Variants in CDH13 observed in about 807,000 individuals in gnomAD.
CDH13 encodes cadherin-13.
A neutral mutation model predicts 63.8 loss-of-function variants in CDH13; 24 were observed. The observed-to-expected ratio is 0.38, with a 90% CI of 0.27 to 0.53. CDH13 has a LOEUF of 0.53. Ranked by LOEUF, CDH13 falls within the 20% of genes least tolerant of loss-of-function variation. CDH13 has a pLI of 0.85. For missense variants in CDH13, 1,049 were observed against 903.1 expected, an observed-to-expected ratio of 1.16 and a Z score of -2.07; for synonymous variants, 503 against 355.3, an observed-to-expected ratio of 1.42 and a Z score of -4.67.
chr16:83,592,973 C>T (rs746517223), intron 7 of CDH13, among the ~76,000 whole-genome samples: 9 of 152,122 alleles, frequency 5.9e-5, no homozygotes, highest in East Asian at 5.8e-4. Flanking sequence ...GATGTGTAAG[C>T]GGTTCCTGCT....
chr16:82,965,499 T>C (rs1907671231), intron 2 of CDH13, among the ~76,000 whole-genome samples: 1 of 152,260 alleles, frequency 6.6e-6, no homozygotes, highest in African/African-American at 2.4e-5. Context: ...GCATTTATAA[T>C]TGAATACTGA....
intron 8 of CDH13, among the ~76,000 whole-genome samples, chr16:83,633,068 T>C (rs1171278346): frequency 6.6e-6 from 1 of 152,200 alleles, no homozygotes; most frequent in Non-Finnish European, 1.5e-5. Context: ...GTCACTCTTG[T>C]TGCCGTCTTG....
At chr16:83,739,941 G>C (rs1307166790) in intron 10 of CDH13, 1 of 152,246 alleles carries the variant, frequency 6.6e-6, no homozygotes, top group Non-Finnish European at 1.5e-5. Context: ...GAGCTGGCCA[G>C]GGAAGGAGGC....
At chr16:83,215,825 ATT>A (rs1258011041) in intron 4 of CDH13, among the ~76,000 whole-genome samples, 1 of 150,678 alleles carries the variant, frequency 6.6e-6, no homozygotes, top group African/African-American at 2.5e-5. Context: ...CTGAATGATT[ATT>A]GTGTTCATGA....
intron 2 of CDH13, among the ~76,000 whole-genome samples, chr16:82,988,752 A>T (rs1342691822): frequency 7.0e-6 from 1 of 143,670 alleles, no homozygotes; most frequent in East Asian, 2.1e-4. Context: ...ACAGAGTGAA[A>T]CTCCAACTCA....
chr16:83,407,919 T>G (rs1055844952), intron 6 of CDH13, among the ~76,000 whole-genome samples: 2 of 152,162 alleles, frequency 1.3e-5, no homozygotes, highest in Non-Finnish European at 2.9e-5. Context: ...TCCATTTGCT[T>G]CTTGATTTCT....
At chr16:83,788,655 G>A (rs193282569) in intron 13 of CDH13, among the ~76,000 whole-genome samples, 1 of 152,238 alleles carries the variant, frequency 6.6e-6, no homozygotes, top group Admixed American at 6.5e-5. Context: ...AGAATTGCCT[G>A]ATAATCCCTA....
intron 11 of CDH13, among the ~76,000 whole-genome samples, chr16:83,754,275 G>A (rs28434127): frequency 0.11 from 17,018 of 152,142 alleles, 1,824 homozygotes; most frequent in African/African-American, 0.29. Context: ...TGGGATGGCT[G>A]GAGAGTTAAG....
intron 7 of CDH13, among the ~76,000 whole-genome samples, chr16:83,553,107 A>T (rs2150673986): frequency 6.6e-6 from 1 of 150,960 alleles, no homozygotes; most frequent in South Asian, 2.1e-4. Context: ...GACTGTGGTT[A>T]TTGTAAACAT....
At chr16:82,847,874 T>G (rs2039328610) in intron 1 of CDH13, among the ~76,000 whole-genome samples, 1 of 148,194 alleles carries the variant, frequency 6.7e-6, no homozygotes, top group Admixed American at 7.0e-5. Flanking sequence ...TTTCCTTGTT[T>G]TATTGTTTTC....
chr16:82,721,834 G>T (rs557750189), intron 1 of CDH13, among the ~76,000 whole-genome samples: 1 of 152,268 alleles, frequency 6.6e-6, no homozygotes, highest in African/African-American at 2.4e-5. Flanking sequence ...AGAGGGCAGG[G>T]AGGAGAGTCA....
At chr16:83,505,815 C>G (rs1005887757) in intron 7 of CDH13, among the ~76,000 whole-genome samples, 10 of 151,968 alleles carry the variant, frequency 6.6e-5, no homozygotes, top group African/African-American at 9.7e-5. Flanking sequence ...AATGCCTAAC[C>G]CAGTTTAAAG....
chr16:83,443,348 T>G (rs2072539937), intron 6 of CDH13, among the ~76,000 whole-genome samples: 1 of 152,142 alleles, frequency 6.6e-6, no homozygotes, highest in Admixed American at 6.5e-5. Context: ...AGGAGTGAGC[T>G]TGGAGCACTG....
At chr16:82,864,095 A>T (rs947692577) in intron 2 of CDH13, among the ~76,000 whole-genome samples, 1 of 152,232 alleles carries the variant, frequency 6.6e-6, no homozygotes, top group Non-Finnish European at 1.5e-5. Flanking sequence ...TGCACCAAAT[A>T]TTCTTATTTA....
intron 8 of CDH13, among the ~76,000 whole-genome samples, chr16:83,647,487 G>C (rs192141375): frequency 7.1e-4 from 108 of 152,168 alleles, no homozygotes; most frequent in Non-Finnish European, 1.4e-3. Context: ...GCTCACTTTG[G>C]AAACACTCCC....
chr16:82,831,227 G>A (rs1398109156), intron 1 of CDH13, among the ~76,000 whole-genome samples: 1 of 152,102 alleles, frequency 6.6e-6, no homozygotes, highest in Non-Finnish European at 1.5e-5. Flanking sequence ...GGGCTTCTTT[G>A]CAGTCAGTGA....
chr16:82,671,451 A>T (rs1913231064), intron 1 of CDH13, among the ~76,000 whole-genome samples: 1 of 152,204 alleles, frequency 6.6e-6, no homozygotes, highest in African/African-American at 2.4e-5. Flanking sequence ...ACATTTATAC[A>T]CATGTCTTTT....
intron 7 of CDH13, among the ~76,000 whole-genome samples, chr16:83,573,263 C>G (rs193230320): frequency 9.9e-5 from 15 of 152,210 alleles, no homozygotes; most frequent in Non-Finnish European, 1.3e-4. Flanking sequence ...TGAACTAGAG[C>G]CAAACTATGT....
At chr16:83,660,319 G>T (rs931257016) in intron 8 of CDH13, among the ~76,000 whole-genome samples, 6 of 152,172 alleles carry the variant, frequency 3.9e-5, no homozygotes, top group Non-Finnish European at 8.8e-5. Context: ...CCATCTGGGG[G>T]TGATAGTAGA....
Sources: allele counts gnomAD v4.1 joint callset (sites outside exome capture counted in the v4.1 genomes callset), GRCh38; gene constraint gnomAD v4.1.1; transcripts MANE v1.5; gene names NCBI Gene and HGNC (gene_info 2026-07-23, HGNC 2026-07-21).